The following VCP variants were observed in gnomAD, a reference collection of about 807,000 sequenced individuals.
VCP encodes the protein transitional endoplasmic reticulum ATPase.
Under a neutral mutation model 85.7 loss-of-function variants are expected in VCP, and 6 were observed. The observed-to-expected ratio is 0.07, with a 90% CI of 0.04 to 0.14. VCP has a LOEUF of 0.14. VCP is among the 10% of genes least tolerant of loss of function. VCP has a pLI of 1.00. For missense variants in VCP, 353 were observed against 1,043.4 expected, an observed-to-expected ratio of 0.34 and a Z score of 9.12; for synonymous variants, 384 against 367.1, an observed-to-expected ratio of 1.05 and a Z score of -0.53.
In VCP at chr9:35,066,733, A is replaced by G; in HGVS notation, c.387T>C (p.Asn129=). ...IDDTVEGITG[N]LFEVYLKPYF... is the part of the protein sequence containing the mutation. ...ACGGCTTAAGGTATACCTCGAAGAGATTACCAGTAATGCCTTCCACTGTGT... is the reference window on the plus strand; with the variant it reads ...ACGGCTTAAGGTATACCTCGAAGAGGTTACCAGTAATGCCTTCCACTGTGT... Residue 129 remains asparagine (N), a synonymous_variant, in exon 4 of 17, where the codon AAT becomes AAC. Coordinates refer to ENST00000358901, the MANE Select transcript of VCP (RefSeq NM_007126.5). 6.2e-7 allele frequency: 1 copy of G among 1,614,116 alleles called. No individual in the cohort carries two copies. The highest frequency in any genetic ancestry group is 1.1e-5 in the South Asian group (1 of 91,080).
chr9:35,070,253 C>T (rs1369422935), intron 1 of VCP, among the ~76,000 whole-genome samples: 2 of 152,174 alleles, frequency 1.3e-5, no homozygotes, highest in East Asian at 3.9e-4. Flanking sequence ...GCAGACTCTT[C>T]CAATGCTTAT....
At chr9:35,057,251 G>C in intron 16 of VCP, 29 bp from the exon 17 acceptor site, 1 of 1,614,080 alleles carries the variant, frequency 6.2e-7, no homozygotes. Context: ...CCAAAAAAGA[G>C]GGTTAGGACA....
intron 1 of VCP, among the ~76,000 whole-genome samples, chr9:35,071,293 GTTTTTTTTTTTTTTTT>G (rs869178164): frequency 5.8e-5 from 4 of 69,088 alleles, no homozygotes; most frequent in African/African-American, 2.3e-4. Context: ...GGCTGGCTGT[GTTTTTTTTTTTTTTTT>G]TTTTTTTTTT....
chr9:35,057,781 G>A (rs888872973), intron 15 of VCP: 37 of 561,312 alleles, frequency 6.6e-5, no homozygotes, highest in Non-Finnish European at 9.6e-5. Context: ...GATGTTGACT[G>A]AAGTGGCTAA....
At position 35,063,216 on chromosome 9, in the gene VCP, C is replaced by T. The variant is rs548552690; in HGVS notation, c.709-136G>A. The stretch of plus-strand genomic sequence containing the variant: ...AAGAATAAGCCCTCCGCAGTAAATG[C>T]TAAGAAGACAATTACTTTAGGCCAC... On this transcript the variant is annotated intron_variant, in intron 6 of 16. Coordinates refer to ENST00000358901, the MANE Select transcript of VCP (RefSeq NM_007126.5). The T allele has an allele frequency of 2.6e-5, 20 of 766,886 alleles. No homozygotes were observed. In the Admixed American group the frequency reaches 3.7e-4, roughly 14 times the overall value. The allele number at this position is 766,886 out of a possible 1,614,324, so 47.5% of individuals were successfully genotyped here.
At chr9:35,072,243 T>A in intron 1 of VCP, 94 bp downstream of exon 1, 4 of 1,466,190 alleles carry the variant, frequency 2.7e-6, no homozygotes, top group Non-Finnish European at 3.6e-6. Flanking sequence ...TCCACCTCTC[T>A]GACGCGCCCA....
At chr9:35,064,399 T>C (rs1587126208) in intron 5 of VCP, 114 bp from the exon 6 acceptor site, 2 of 1,407,038 alleles carry the variant, frequency 1.4e-6, no homozygotes, top group South Asian at 1.2e-5. Context: ...TATAAGAAGA[T>C]TCTCAACCCG....
intron 1 of VCP, among the ~76,000 whole-genome samples, chr9:35,069,417 T>G (rs1344309151): frequency 6.6e-6 from 1 of 150,864 alleles, no homozygotes; most frequent in Admixed American, 6.6e-5. Flanking sequence ...CAGCTGTCAC[T>G]TACTAGACTC....
rs925060618 is a variant in VCP, at chr9:35,062,959, G to A, written c.811+19C>T. ...CAAAATTGGGTCTAGCTAGACATAA[G>A]ATGAACCAAATATCTCACCATTGAT... On this transcript the variant is annotated intron_variant, in intron 7 of 16. Coordinates refer to ENST00000358901, the MANE Select transcript of VCP (RefSeq NM_007126.5). 4.3e-6 allele frequency: 7 copies of A among 1,613,678 alleles called. No individual in the cohort carries two copies. In the East Asian group the frequency reaches 1.6e-4, roughly 36 times the overall value.
chr9:35,064,367 C>A, intron 5 of VCP, 82 bp from the exon 6 acceptor site: 1 of 1,581,030 alleles, frequency 6.3e-7, no homozygotes, highest in Non-Finnish European at 8.6e-7. Flanking sequence ...CATTCCACTA[C>A]CTAGTGTGCA....
At chr9:35,062,748 G>A (rs949542015) in intron 7 of VCP, among the ~76,000 whole-genome samples, 17 of 152,056 alleles carry the variant, frequency 1.1e-4, no homozygotes, top group South Asian at 2.1e-4. Context: ...GCTTGCTCCC[G>A]CTCTGCAGTC....
intron 9 of VCP, 117 bp from the exon 10 acceptor site, chr9:35,061,806 A>G (rs144562700): frequency 1.1e-4 from 149 of 1,396,274 alleles, no homozygotes; most frequent in Non-Finnish European, 1.5e-4. Context: ...CAGCACTAAA[A>G]AAGTCTCAAG....
rs529188048 is a variant in VCP, at chr9:35,059,254, C to G, written c.2005-35G>C. On this transcript the variant is annotated intron_variant, in intron 14 of 16. Coordinates refer to ENST00000358901, the MANE Select transcript of VCP (RefSeq NM_007126.5). The surrounding 1 kb of genome is among the most constrained non-coding windows in gnomAD (Gnocchi z 4.9). ...GCAGCAGAGGTACCTTAGCATTTAG[C>G]CTCTCCTCTCGAGATACGCAGATCT... 8 of 1,613,526 alleles carry G rather than the reference C, an allele frequency of 5.0e-6. No homozygotes were observed. The East Asian group carries it at 1.8e-4, about 36-fold the overall frequency.
At position 35,059,941 on chromosome 9, in the gene VCP, T is replaced by C. The variant is rs1479760943; in HGVS notation, c.1696-140A>G. 3.8e-6 allele frequency: 4 copies of C among 1,045,566 alleles called. No homozygotes were observed. The highest frequency in any genetic ancestry group is 2.8e-5 in the South Asian group (2 of 71,792). The allele number at this position is 1,045,566 out of a possible 1,614,324, so 64.8% of individuals were successfully genotyped here. On this transcript the variant is annotated intron_variant, in intron 13 of 16. Coordinates refer to ENST00000358901, the MANE Select transcript of VCP (RefSeq NM_007126.5). This position sits in a 1 kb window ranked among gnomAD's most constrained non-coding sequence, Gnocchi z 4.9. ...TGAGGCCAGAAATCCGAAACCAGCA[T>C]GGGCAACATACTGAGACTTTGTCTC...
At chr9:35,064,371 G>A in intron 5 of VCP, 86 bp from the exon 6 acceptor site, 3 of 1,573,368 alleles carry the variant, frequency 1.9e-6, no homozygotes, top group Admixed American at 1.7e-5. Context: ...CCACTACCTA[G>A]TGTGCAAAAA....
intron 1 of VCP, among the ~76,000 whole-genome samples, chr9:35,071,174 A>G (rs1828933592): frequency 6.6e-6 from 1 of 152,200 alleles, no homozygotes; most frequent in Admixed American, 6.5e-5. Context: ...TCTTTTAAAT[A>G]AGCAACTGAG....
At chr9:35,060,286 T>C (rs368909067) in intron 13 of VCP, 27 bp downstream of exon 13, 56 of 1,612,280 alleles carry the variant, frequency 3.5e-5, no homozygotes, top group Non-Finnish European at 4.4e-5. Context: ...GGCAAATCAA[T>C]ACATAGTTCA....
chr9:35,067,356 G>A (rs1489122377), intron 3 of VCP, among the ~76,000 whole-genome samples: 1 of 152,110 alleles, frequency 6.6e-6, no homozygotes, highest in Non-Finnish European at 1.5e-5. Context: ...GTAACCTCTT[G>A]CCTAAAATTA....
chr9:35,059,285 C>A lies in VCP; in HGVS notation c.2005-66G>T, dbSNP rs1828673810. On this transcript the variant is annotated intron_variant, in intron 14 of 16. Transcript: ENST00000358901. The surrounding 1 kb of genome is among the most constrained non-coding windows in gnomAD (Gnocchi z 4.9). Reference sequence around the variant, plus strand: ...CTCTCGAGATACGCAGATCTTTGGGCTACCCGAGCACTCCCAACTACAGTT... The same window carrying A: ...CTCTCGAGATACGCAGATCTTTGGGATACCCGAGCACTCCCAACTACAGTT... 2 of 1,604,374 alleles carry A rather than the reference C, an allele frequency of 1.2e-6. No homozygotes were observed. The highest frequency in any genetic ancestry group is 1.7e-6 in the Non-Finnish European group (2 of 1,175,318).
Sources: allele counts gnomAD v4.1 joint callset (sites outside exome capture counted in the v4.1 genomes callset), GRCh38; gene constraint gnomAD v4.1.1; non-coding constraint Gnocchi (gnomAD v3.1); transcripts MANE v1.5; gene names NCBI Gene and HGNC (gene_info 2026-07-23, HGNC 2026-07-21).